Variants in LRRC37A2 observed in about 807,000 individuals in gnomAD.
LRRC37A2 encodes leucine-rich repeat-containing protein 37A2.
In LRRC37A2, 9 loss-of-function variants were observed where a neutral mutation model predicts 68.8. The observed-to-expected ratio is 0.13, with a 90% CI of 0.08 to 0.23. LRRC37A2 has a LOEUF of 0.23. LRRC37A2 is among the 10% of genes least tolerant of loss of function. The probability of loss-of-function intolerance (pLI) is 1.00; values close to 1 mark genes in which losing one functional copy is unlikely to be tolerated. For missense variants in LRRC37A2, 168 were observed against 950.4 expected (o/e 0.18, Z 10.82); for synonymous variants, 63 against 367.6 (o/e 0.17, Z 9.48).
At chr17:46,777,592 C>G in the LRRC37A2 span, among the ~76,000 whole-genome samples, 1 of 152,272 alleles carries the variant, frequency 6.6e-6, no homozygotes, top group Non-Finnish European at 1.5e-5. Flanking sequence ...TTCCTTCTGT[C>G]CCCACAGTTA....
At chr17:46,969,944 C>T in the LRRC37A2 span, among the ~76,000 whole-genome samples, 5 of 152,238 alleles carry the variant, frequency 3.3e-5, no homozygotes, top group East Asian at 3.9e-4. Context: ...TGGTGATGTG[C>T]GGGGTGGGGG....
At chr17:46,777,214 A>T in the LRRC37A2 span, among the ~76,000 whole-genome samples, 1 of 151,726 alleles carries the variant, frequency 6.6e-6, no homozygotes, top group East Asian at 1.9e-4. Flanking sequence ...CGTCTCAAAA[A>T]AAAAAAAGAA....
the LRRC37A2 span, among the ~76,000 whole-genome samples, chr17:46,943,905 C>G: frequency 1.3e-5 from 2 of 152,140 alleles, no homozygotes; most frequent in Non-Finnish European, 2.9e-5. Context: ...GGCGATCCCT[C>G]GGTCTGATGG....
the LRRC37A2 span, among the ~76,000 whole-genome samples, chr17:46,907,853 C>G: frequency 4.0e-5 from 6 of 150,214 alleles, no homozygotes; most frequent in African/African-American, 1.5e-4. Flanking sequence ...GAGACCCTGT[C>G]TTAAAAAAAA....
the LRRC37A2 span, among the ~76,000 whole-genome samples, chr17:46,994,802 C>A: frequency 7.5e-6 from 1 of 132,472 alleles, no homozygotes; most frequent in Non-Finnish European, 1.6e-5. Flanking sequence ...TGGGTTAATG[C>A]TGGGTTAGCT....
At chr17:46,923,228 G>A in the LRRC37A2 span, 2 of 1,550,996 alleles carry the variant, frequency 1.3e-6, no homozygotes, top group South Asian at 2.4e-5. Flanking sequence ...ACAAGTGAGG[G>A]CCGGTCGGGG....
At chr17:47,035,792 T>C in the LRRC37A2 span, among the ~76,000 whole-genome samples, 197 of 152,256 alleles carry the variant, frequency 1.3e-3, 2 homozygotes, top group East Asian at 5.0e-3. Context: ...TGTTTGAGGG[T>C]TTCAATTTCC....
the LRRC37A2 span, among the ~76,000 whole-genome samples, chr17:46,870,009 G>C: frequency 6.6e-6 from 1 of 151,944 alleles, no homozygotes; most frequent in Non-Finnish European, 1.5e-5. Context: ...AAAAAAAAAT[G>C]TTATATATCA....
chr17:46,825,124 C>A, the LRRC37A2 span, among the ~76,000 whole-genome samples: 1 of 152,246 alleles, frequency 6.6e-6, no homozygotes, highest in Non-Finnish European at 1.5e-5. Flanking sequence ...CTGGCCTGCC[C>A]AAGGCTTTTG....
At chr17:46,931,412 A>C in the LRRC37A2 span, 2 of 600,458 alleles carry the variant, frequency 3.3e-6, no homozygotes, top group East Asian at 5.6e-5. Context: ...TGTGACTCAG[A>C]AACCTTGTGA....
chr17:46,746,766 C>T, the LRRC37A2 span, among the ~76,000 whole-genome samples: 4 of 152,178 alleles, frequency 2.6e-5, no homozygotes, highest in Non-Finnish European at 5.9e-5. Context: ...ACACAAATGA[C>T]TTGCCTTGAA....
chr17:46,816,360 A>C, the LRRC37A2 span, among the ~76,000 whole-genome samples: 1 of 141,820 alleles, frequency 7.1e-6, no homozygotes, highest in Non-Finnish European at 1.5e-5. Flanking sequence ...ATCCCCCAAC[A>C]CGCCCACACG....
At chr17:46,882,303 T>C in the LRRC37A2 span, among the ~76,000 whole-genome samples, 7 of 152,240 alleles carry the variant, frequency 4.6e-5, no homozygotes, top group Non-Finnish European at 1.0e-4. Context: ...ATAACAGTGA[T>C]AGTTTGAAGA....
chr17:46,942,987 T>C, the LRRC37A2 span, among the ~76,000 whole-genome samples: 1 of 152,158 alleles, frequency 6.6e-6, no homozygotes, highest in East Asian at 1.9e-4. Flanking sequence ...GCATTGGAAT[T>C]CCCTCGGGAG....
At chr17:46,803,714 C>A in the LRRC37A2 span, among the ~76,000 whole-genome samples, 6 of 152,206 alleles carry the variant, frequency 3.9e-5, no homozygotes, top group Non-Finnish European at 8.8e-5. Flanking sequence ...CCCAGCCACA[C>A]CCTCAAGCTC....
chr17:46,861,503 G>A, the LRRC37A2 span, among the ~76,000 whole-genome samples: 1 of 152,252 alleles, frequency 6.6e-6, no homozygotes, highest in African/African-American at 2.4e-5. Flanking sequence ...CCTAGGCCTG[G>A]CCAACTGGGA....
At chr17:47,012,493 C>G in the LRRC37A2 span, among the ~76,000 whole-genome samples, 1 of 151,842 alleles carries the variant, frequency 6.6e-6, no homozygotes, top group African/African-American at 2.4e-5. Context: ...TGCTGCTGGT[C>G]TAGTATCCAG....
chr17:46,966,477 A>G, the LRRC37A2 span: 1 of 655,044 alleles, frequency 1.5e-6, no homozygotes, highest in Non-Finnish European at 2.8e-6. Flanking sequence ...CCTCCAGGGT[A>G]GTTGGAACTA....
the LRRC37A2 span, chr17:46,876,400 C>T: frequency 6.2e-7 from 1 of 1,613,792 alleles, no homozygotes; most frequent in Non-Finnish European, 8.5e-7. Context: ...CCAGTGCCAC[C>T]AATGAGGCCT....
Sources: gnomAD v4.1 joint callset for allele counts (sites outside exome capture counted in the v4.1 genomes callset) on GRCh38, gnomAD v4.1.1 for gene constraint, MANE v1.5 for transcripts, NCBI Gene and HGNC (gene_info 2026-07-23, HGNC 2026-07-21) for gene names.